The following KYAT3 variants were observed in gnomAD, a reference collection of about 807,000 sequenced individuals.
The protein encoded by KYAT3 is kynurenine--oxoglutarate transaminase 3.
KYAT3 carries 50 observed loss-of-function variants against 59.0 expected under a neutral mutation model. The observed-to-expected ratio is 0.85, with a 90% CI of 0.68 to 1.07. KYAT3 has a LOEUF of 1.07. Among genes scored for constraint, KYAT3 ranks in the 50% least tolerant of loss-of-function variants. KYAT3 has a pLI of 0.00. For missense variants in KYAT3, 497 were observed against 533.3 expected (o/e 0.93, Z 0.67); for synonymous variants, 148 against 177.0 (o/e 0.84, Z 1.30).
At chr1:88,921,374 A>G in the KYAT3 span, among the ~76,000 whole-genome samples, 1 of 152,244 alleles carries the variant, frequency 6.6e-6, no homozygotes, top group Non-Finnish European at 1.5e-5. Context: ...GAAATTAGGT[A>G]CTTTGGTTTT....
chr1:88,944,789 A>C (rs1362747337), intron 11 of KYAT3, among the ~76,000 whole-genome samples: 2 of 152,192 alleles, frequency 1.3e-5, no homozygotes, highest in Non-Finnish European at 2.9e-5. Context: ...GACTAATTCT[A>C]ATTGACACTG....
chr1:88,983,442 T>C (rs1411142214), intron 2 of KYAT3: 5 of 1,614,182 alleles, frequency 3.1e-6, no homozygotes, highest in East Asian at 4.5e-5. Flanking sequence ...CCATCATCCA[T>C]GTGTCCTCCT....
In KYAT3 at chr1:88,983,354, C is replaced by T. The variant is rs200081893; in HGVS notation, c.99+4898G>A. The T allele has an allele frequency of 4.4e-5, 65 of 1,481,772 alleles. No individual in the cohort carries two copies. The highest frequency in any genetic ancestry group is 5.9e-5 in the Non-Finnish European group (64 of 1,092,254). The allele number at this position is 1,481,772 out of a possible 1,614,324, so 91.8% of individuals were successfully genotyped here. A position where few individuals can be genotyped will look rare whatever the true frequency, so the allele number is the denominator to read the frequency against. On this transcript the variant is annotated intron_variant, in intron 2 of 13. Coordinates refer to ENST00000260508, the MANE Select transcript of KYAT3 (RefSeq NM_001008661.3). ...TGCAGATCTCTTAGGAGAAGGACCC[C>T]CACTTCTTGGTGGTGGTCCTCTTTT...
Position 88,961,238 on chromosome 1 carries a change from T to C in KYAT3, c.716A>G (p.Tyr239Cys), listed in dbSNP as rs1676127756. ...LQVIADLCIK[Y>C]DTLCISDEVY... Reference sequence around the variant, plus strand: ...CTCATCGCTGATGCAGAGTGTGTCATATTTGATGCAAAGGTCAGCAATTAC... The same window carrying C: ...CTCATCGCTGATGCAGAGTGTGTCACATTTGATGCAAAGGTCAGCAATTAC... Residue 239 changes from tyrosine to cysteine, a missense_variant, in exon 8 of 14, where the codon TAT becomes TGT. This residue lies in a region of KYAT3 where 469 missense variants were observed against 479.1 expected (regional missense o/e 0.98). Transcript: ENST00000260508. The C allele has an allele frequency of 3.7e-6, 6 of 1,613,598 alleles. No individual in the cohort carries two copies. The highest frequency in any genetic ancestry group is 5.1e-6 in the Non-Finnish European group (6 of 1,179,886).
rs75273787 is a variant in KYAT3, at chr1:88,992,573, C to G, written c.-2+12G>C. ...GAAGCGCCGCGCCGCGCCGCGCGCCCGCCCCACTCACCTATCCGGTGCGGG... is the reference window on the plus strand; with the variant it reads ...GAAGCGCCGCGCCGCGCCGCGCGCCGGCCCCACTCACCTATCCGGTGCGGG... On this transcript the variant is annotated intron_variant, in intron 1 of 13. Transcript: ENST00000260508. 101 of 152,944 alleles carry G rather than the reference C, an allele frequency of 6.6e-4. No homozygotes were observed. The East Asian group carries it at 0.018, about 28-fold the overall frequency. The allele number at this position is 152,944 out of a possible 1,614,324, so 9.5% of individuals were successfully genotyped here. A position where few individuals can be genotyped will look rare whatever the true frequency, so the allele number is the denominator to read the frequency against.
At chr1:88,933,748 T>C (rs4393127), downstream of KYAT3, among the ~76,000 whole-genome samples, 141,498 of 152,266 alleles carry the variant, frequency 0.93, 66,604 homozygotes, top group East Asian at 1. Context: ...TGCTTTAAAT[T>C]CTGCTGAAAA....
chr1:88,991,057 T>C (rs1200929276), intron 1 of KYAT3, among the ~76,000 whole-genome samples: 1 of 152,242 alleles, frequency 6.6e-6, no homozygotes, highest in Admixed American at 6.5e-5. Context: ...TAGCATATTA[T>C]GCATAAAGTC....
intron 9 of KYAT3, among the ~76,000 whole-genome samples, chr1:88,954,898 A>G (rs12095525): frequency 0.032 from 4,945 of 152,246 alleles, 241 homozygotes; most frequent in African/African-American, 0.11. Context: ...AGTTGCTGGG[A>G]CTGCAGGCAT....
chr1:88,984,101 A>C (rs774481754), intron 2 of KYAT3: 48 of 488,758 alleles, frequency 9.8e-5, no homozygotes, highest in Non-Finnish European at 1.6e-4. Flanking sequence ...TAAAACTCAG[A>C]AGTGGAAATG....
the KYAT3 span, chr1:88,923,722 C>T: frequency 3.7e-6 from 1 of 272,522 alleles, no homozygotes. Context: ...CAAAGCTAGC[C>T]TCTGGGAATC....
chr1:88,924,078 TGCC>T, the KYAT3 span, among the ~76,000 whole-genome samples: 1 of 152,212 alleles, frequency 6.6e-6, no homozygotes, highest in African/African-American at 2.4e-5. Flanking sequence ...TAGGGTCTCT[TGCC>T]AGCTCACTGT....
the KYAT3 span, among the ~76,000 whole-genome samples, chr1:88,929,988 AG>A: frequency 6.6e-6 from 1 of 152,244 alleles, no homozygotes; most frequent in African/African-American, 2.4e-5. Flanking sequence ...GCCCTAAAGA[AG>A]GCCCTAACCC....
At chr1:88,956,056 C>T (rs559246605) in intron 8 of KYAT3, among the ~76,000 whole-genome samples, 1 of 152,202 alleles carries the variant, frequency 6.6e-6, no homozygotes, top group South Asian at 2.1e-4. Flanking sequence ...CTTTAATATC[C>T]TCATGGCCAT....
chr1:88,938,155 T>G (rs1051912468), intron 13 of KYAT3, among the ~76,000 whole-genome samples: 1 of 152,162 alleles, frequency 6.6e-6, no homozygotes, highest in Non-Finnish European at 1.5e-5. Context: ...AGTAATTAAG[T>G]TGACAACTTA....
intron 4 of KYAT3, among the ~76,000 whole-genome samples, chr1:88,968,163 C>G (rs1204874382): frequency 2.6e-5 from 4 of 152,130 alleles, no homozygotes; most frequent in Admixed American, 1.3e-4. Flanking sequence ...AAGGAAAAGA[C>G]AAGTGGTCAG....
At chr1:88,931,880 CAAAAAAAAAAAA>C (rs57089214), downstream of KYAT3, among the ~76,000 whole-genome samples, 2 of 30,976 alleles carry the variant, frequency 6.5e-5, no homozygotes, top group South Asian at 2.9e-3. Context: ...CCTGCAACTG[CAAAAAAAAAAAA>C]AAAAAAAAAA....
Position 88,943,416 on chromosome 1 carries a change from G to T in KYAT3, c.1149C>A (p.Asp383Glu), listed in dbSNP as rs756209683. ...GCTCATTATTCTTCATATCAGAGAGGTCTGGATCTAAAACCACAATGAAAA... is the reference window on the plus strand; with the variant it reads ...GCTCATTATTCTTCATATCAGAGAGTTCTGGATCTAAAACCACAATGAAAA... ...IIADVSLLDP[D>E]LSDMKNNEPY... The change falls in exon 12 of 14, where the codon GAC becomes GAA. Residue 383 changes from aspartate (D) to glutamate (E), a missense_variant. By Grantham distance (45) the Asp-to-Glu change is conservative. Around this residue, in one of 2 missense-constraint regions of KYAT3, gnomAD observed 469 missense variants for 479.1 expected, o/e 0.98. Coordinates refer to ENST00000260508, the MANE Select transcript of KYAT3 (RefSeq NM_001008661.3). 6.4e-7 allele frequency: 1 copy of T among 1,556,958 alleles called. No individual in the cohort carries two copies. The highest frequency in any genetic ancestry group is 8.7e-7 in the Non-Finnish European group (1 of 1,149,158).
chr1:88,989,439 C>A (rs1314345595), intron 1 of KYAT3, among the ~76,000 whole-genome samples: 1 of 152,104 alleles, frequency 6.6e-6, no homozygotes, highest in African/African-American at 2.4e-5. Flanking sequence ...CCATTTTTCA[C>A]AATAGGTGAA....
chr1:88,970,218 C>T (rs1676502373), intron 2 of KYAT3, among the ~76,000 whole-genome samples: 1 of 152,172 alleles, frequency 6.6e-6, no homozygotes. Flanking sequence ...TTTAAAGCTA[C>T]TCAGTAAGGG....
Sources: allele counts gnomAD v4.1 joint callset (sites outside exome capture counted in the v4.1 genomes callset), GRCh38; gene constraint gnomAD v4.1.1; regional missense constraint gnomAD v4.1.1; transcripts MANE v1.5; gene names NCBI Gene and HGNC (gene_info 2026-07-23, HGNC 2026-07-21).